The following ODF2 variants were observed in gnomAD, a reference collection of about 807,000 sequenced individuals.
The protein encoded by ODF2 is outer dense fiber protein 2.
Under a neutral mutation model 110.2 loss-of-function variants are expected in ODF2, and 47 were observed. That is an observed-to-expected ratio of 0.43 (90% CI 0.34 to 0.54). The LOEUF (loss-of-function observed/expected upper bound fraction) is 0.54. ODF2 is among the 20% of genes least tolerant of loss of function. The probability of loss-of-function intolerance (pLI) is 0.03; values close to 1 mark genes in which losing one functional copy is unlikely to be tolerated. For missense variants in ODF2, 812 were observed against 1,054.5 expected, an observed-to-expected ratio of 0.77 and a Z score of 3.19; for synonymous variants, 352 against 397.7, an observed-to-expected ratio of 0.89 and a Z score of 1.37.
chr9:128,457,943 A>T (rs371174058), intron 2 of ODF2, among the ~76,000 whole-genome samples: 1,946 of 140,424 alleles, frequency 0.014, 30 homozygotes, highest in East Asian at 0.058. Context: ...ATATATATAT[A>T]TTTTTTTTTT....
intron 2 of ODF2, among the ~76,000 whole-genome samples, chr9:128,458,838 T>G (rs1230410696): frequency 6.6e-6 from 1 of 152,050 alleles, no homozygotes; most frequent in African/African-American, 2.4e-5. Flanking sequence ...TGAAAAAATT[T>G]TTTTTTCTTT....
chr9:128,456,184 T>C lies in ODF2; in HGVS notation c.-280T>C, dbSNP rs908234288. 1.9e-6 allele frequency: 3 copies of C among 1,549,236 alleles called. No homozygotes were observed. The African/African-American group carries it at 4.1e-5, about 21-fold the overall frequency. ...GACTGCATCCGCCGCGGCGTCTCCA[T>C]GGCACGACCCTGGCCTCCGACTTCA... On this transcript the variant is annotated 5_prime_UTR_variant, in exon 1 of 21. Coordinates refer to ENST00000604420, the Ensembl canonical transcript of ODF2.
intron 10 of ODF2, among the ~76,000 whole-genome samples, chr9:128,483,312 G>T (rs183868336): frequency 6.3e-4 from 96 of 152,214 alleles, no homozygotes; most frequent in African/African-American, 2.2e-3. Flanking sequence ...GACCAGCCTA[G>T]GCCACTCCCT....
intron 13 of ODF2, among the ~76,000 whole-genome samples, chr9:128,486,980 A>G (rs1369083314): frequency 6.6e-6 from 1 of 152,192 alleles, no homozygotes; most frequent in Non-Finnish European, 1.5e-5. Context: ...AGGAGGTGTC[A>G]TAGGGAGTTG....
At chr9:128,496,557 T>C (rs1312426549) in intron 18 of ODF2, among the ~76,000 whole-genome samples, 6 of 152,254 alleles carry the variant, frequency 3.9e-5, no homozygotes, top group Admixed American at 1.3e-4. Flanking sequence ...TTACGGATTG[T>C]TGGAGGCAGT....
In ODF2 at chr9:128,482,896, CTTTT is replaced by C. The variant is rs11290748; in HGVS notation, c.987+25_987+28del. ...AAATACAATGTGAGAAGGTAGTGTG[CTTTT>C]TTTTTTTTTTTTTTTAGACGGAGTC... On this transcript the variant is annotated intron_variant, in intron 10 of 20. Transcript: ENST00000604420. The C allele has an allele frequency of 4.0e-3, 5,241 of 1,307,072 alleles. No homozygotes were observed. The highest frequency in any genetic ancestry group is 5.1e-3 in the Admixed American group (193 of 37,486). The allele number at this position is 1,307,072 out of a possible 1,614,324, so 81.0% of individuals were successfully genotyped here.
intron 8 of ODF2, among the ~76,000 whole-genome samples, chr9:128,474,956 CTT>C (rs1277771447): frequency 2.0e-5 from 3 of 150,898 alleles, no homozygotes; most frequent in East Asian, 3.9e-4. Flanking sequence ...AAGAGCAAGA[CTT>C]TGTCTGAAAA....
At chr9:128,487,764 G>T in intron 13 of ODF2, 126 bp from the exon 14 acceptor site, 2 of 1,141,374 alleles carry the variant, frequency 1.8e-6, no homozygotes, top group Middle Eastern at 2.3e-4. Context: ...TCCAGCCTAG[G>T]TGACAGAGCG....
In ODF2 at chr9:128,494,027, T is replaced by A. The variant is rs921722813; in HGVS notation, c.1753-483T>A. On this transcript the variant is annotated intron_variant, in intron 16 of 20. Coordinates refer to ENST00000604420, the Ensembl canonical transcript of ODF2. This position sits in a 1 kb window ranked among gnomAD's most constrained non-coding sequence, Gnocchi z 4.6. ...CCAGGGTGGTGTCGAACTCCTGACCTCAAATAATCTGCGCCCCTTGGCTTT... is the reference window on the plus strand; with the variant it reads ...CCAGGGTGGTGTCGAACTCCTGACCACAAATAATCTGCGCCCCTTGGCTTT... Among the ~76,000 whole-genome samples, 1 of 139,094 alleles carries A rather than the reference T, an allele frequency of 7.2e-6. No homozygotes were observed. The allele number at this position is 139,094 out of a possible 152,430, so 91.3% of individuals were successfully genotyped here. A position where few individuals can be genotyped will look rare whatever the true frequency, so the allele number is the denominator to read the frequency against.
intron 1 of ODF2, chr9:128,456,644 GC>G: frequency 6.7e-7 from 1 of 1,482,778 alleles, no homozygotes; most frequent in Admixed American, 2.2e-5. Context: ...CGGCGGCATC[GC>G]CCCGACCGCC....
rs149187479 is a variant in ODF2 at position 128,494,554 on chromosome 9, C to G, written c.1797C>G (p.Leu599=). 4.5e-5 allele frequency: 72 copies of G among 1,614,094 alleles called. No individual in the cohort carries two copies. In the Admixed American group the frequency reaches 1.1e-3, roughly 25 times the overall value. Residue 599 remains leucine, a synonymous_variant, in exon 17 of 21, where the codon CTC becomes CTG. Coordinates refer to ENST00000604420, the Ensembl canonical transcript of ODF2. This position sits in a 1 kb window ranked among gnomAD's most constrained non-coding sequence, Gnocchi z 4.6. Reference sequence around the variant, plus strand: ...CTCAGCTGGCTGACCTGCAGCAGCTCCCTGACATCCTGAAGATCACGGAGG... The same window carrying G: ...CTCAGCTGGCTGACCTGCAGCAGCTGCCTGACATCCTGAAGATCACGGAGG...
At position 128,468,711 on chromosome 9, in the gene ODF2, G is replaced by A. The variant is rs144505658; in HGVS notation, c.250-472G>A. Among the ~76,000 whole-genome samples the A allele has an allele frequency of 2.2e-3, 332 of 152,150 alleles. 1 individual carries two copies. The highest frequency in any genetic ancestry group is 7.6e-3 in the African/African-American group (315 of 41,484). On this transcript the variant is annotated intron_variant, in intron 4 of 20. Coordinates refer to ENST00000604420, the Ensembl canonical transcript of ODF2. ...CTAAGTTTGTGTTTTTAGTAGAGAC[G>A]GGGTTTCACCGTGTTGGTCAGGCTG...
chr9:128,477,636 C>T (rs981844196), intron 8 of ODF2, among the ~76,000 whole-genome samples: 2 of 150,436 alleles, frequency 1.3e-5, no homozygotes, highest in Non-Finnish European at 3.0e-5. Context: ...GACGGAGTCT[C>T]GCTCTGTCAC....
At chr9:128,486,233 C>T (rs1031392111) in intron 13 of ODF2, among the ~76,000 whole-genome samples, 1 of 152,118 alleles carries the variant, frequency 6.6e-6, no homozygotes. Flanking sequence ...TCAGGAAAGT[C>T]TCTTACTGTA....
intron 14 of ODF2, among the ~76,000 whole-genome samples, chr9:128,491,576 A>T (rs911478876): frequency 6.6e-6 from 1 of 151,746 alleles, no homozygotes; most frequent in African/African-American, 2.4e-5. Flanking sequence ...AGGCAGGAGA[A>T]TAGCTTGAAC....
chr9:128,455,638 T>C (rs1206803754), upstream of ODF2, among the ~76,000 whole-genome samples: 1 of 144,736 alleles, frequency 6.9e-6, no homozygotes. Flanking sequence ...ATGCCGACCC[T>C]TTCTCCTGTT....
intron 14 of ODF2, 140 bp from the exon 15 acceptor site, chr9:128,492,286 C>A: frequency 1.5e-6 from 1 of 650,552 alleles, no homozygotes. Flanking sequence ...ACCTGCTTCT[C>A]GGTGCTTCTC....
At chr9:128,478,074 G>A (rs937005247) in intron 8 of ODF2, among the ~76,000 whole-genome samples, 2 of 152,082 alleles carry the variant, frequency 1.3e-5, no homozygotes, top group African/African-American at 4.8e-5. Flanking sequence ...TCAGCTCACT[G>A]CAGCCTCTAC....
intron 2 of ODF2, 24 bp from the exon 2 acceptor site, chr9:128,459,543 T>A (rs781273533): frequency 1.5e-5 from 24 of 1,595,972 alleles, no homozygotes; most frequent in Non-Finnish European, 2.0e-5. Context: ...CTGCTTACAA[T>A]CTGGTTCTTG....
Sources: gnomAD v4.1 joint callset for allele counts (sites outside exome capture counted in the v4.1 genomes callset) on GRCh38, gnomAD v4.1.1 for gene constraint, Gnocchi (gnomAD v3.1) non-coding constraint, MANE v1.5 for transcripts, NCBI Gene and HGNC (gene_info 2026-07-23, HGNC 2026-07-21) for gene names.